MACROD1: variants seen among roughly 807,000 people sequenced by gnomAD.
MACROD1 encodes the protein ADP-ribose glycohydrolase MACROD1.
A neutral mutation model predicts 41.4 loss-of-function variants in MACROD1; 31 were observed. That is an observed-to-expected ratio of 0.75 (90% CI 0.56 to 1.01). The LOEUF is 1.01. Among genes scored for constraint, MACROD1 ranks in the 50% least tolerant of loss-of-function variants. The probability of loss-of-function intolerance (pLI) is 0.00; values close to 1 mark genes in which losing one functional copy is unlikely to be tolerated. For synonymous variants in MACROD1, 252 were observed against 203.4 expected (o/e 1.24, Z -2.03); for missense variants, 473 against 460.0 (o/e 1.03, Z -0.26).
chr11:64,046,693 T>C (rs1590834318), intron 3 of MACROD1, among the ~76,000 whole-genome samples: 2 of 152,272 alleles, frequency 1.3e-5, no homozygotes, highest in Non-Finnish European at 1.5e-5. Flanking sequence ...GAAGCAGGGT[T>C]TCACCATGTT....
chr11:64,049,378 C>G (rs1478200377), intron 3 of MACROD1, among the ~76,000 whole-genome samples: 2 of 152,230 alleles, frequency 1.3e-5, no homozygotes, highest in African/African-American at 4.8e-5. Context: ...ACGGCCAGTC[C>G]TGGGCAGGGA....
chr11:64,102,910 TA>T (rs1174429018), intron 3 of MACROD1, among the ~76,000 whole-genome samples: 9 of 148,866 alleles, frequency 6.0e-5, no homozygotes, highest in Middle Eastern at 3.5e-3. Context: ...CTACTAAAAT[TA>T]AAAAAAAAAA....
Position 64,146,967 on chromosome 11 carries a change from C to A in MACROD1, c.517+4272G>T, listed in dbSNP as rs1483699253. On this transcript the variant is annotated intron_variant, in intron 3 of 10. Transcript: ENST00000255681. This position sits in a 1 kb window ranked among gnomAD's most constrained non-coding sequence, Gnocchi z 4.7. Reference sequence around the variant, plus strand: ...GACCTCACACACACACCATCACACACATCCCAATCACATCTCATAGCCCAA... The same window carrying A: ...GACCTCACACACACACCATCACACAAATCCCAATCACATCTCATAGCCCAA... 6.6e-6 allele frequency among the ~76,000 whole-genome samples: 1 copy of A among 152,176 alleles called. No homozygotes were observed.
chr11:64,051,378 C>T (rs982390674), intron 3 of MACROD1, among the ~76,000 whole-genome samples: 1 of 152,184 alleles, frequency 6.6e-6, no homozygotes, highest in Admixed American at 6.5e-5. Context: ...GCTAGAGAGG[C>T]AGCAGGGACT....
intron 3 of MACROD1, among the ~76,000 whole-genome samples, chr11:64,077,036 G>A (rs1348435536): frequency 6.6e-6 from 1 of 152,136 alleles, no homozygotes; most frequent in East Asian, 1.9e-4. Flanking sequence ...GTAGATGGGA[G>A]GGAGGGAGAT....
chr11:64,070,957 G>C (rs1944098400), intron 3 of MACROD1, among the ~76,000 whole-genome samples: 1 of 152,116 alleles, frequency 6.6e-6, no homozygotes, highest in Non-Finnish European at 1.5e-5. Flanking sequence ...AGGAGGGGCT[G>C]TCTTTATTCC....
At chr11:64,062,123 C>G (rs746318706) in intron 3 of MACROD1, among the ~76,000 whole-genome samples, 6 of 152,060 alleles carry the variant, frequency 3.9e-5, no homozygotes, top group Non-Finnish European at 7.4e-5. Flanking sequence ...ATGCCCCTCT[C>G]CTCCGCAAGG....
At chr11:64,132,515 T>A (rs1471208935) in intron 3 of MACROD1, among the ~76,000 whole-genome samples, 1 of 152,042 alleles carries the variant, frequency 6.6e-6, no homozygotes, top group Non-Finnish European at 1.5e-5. Context: ...TTCAGGGCAG[T>A]TGCCAGGGAC....
At chr11:64,008,489 C>T (rs987375838) in intron 4 of MACROD1, among the ~76,000 whole-genome samples, 7 of 150,182 alleles carry the variant, frequency 4.7e-5, no homozygotes, top group African/African-American at 1.7e-4. Context: ...GAGGGGGTGT[C>T]GGAGGGGCTG....
intron 3 of MACROD1, among the ~76,000 whole-genome samples, chr11:64,044,360 T>TC (rs2134395434): frequency 6.6e-6 from 1 of 151,630 alleles, no homozygotes; most frequent in East Asian, 1.9e-4. Flanking sequence ...CAAGTGATCC[T>TC]CCCACCTCAG....
chr11:64,063,571 G>A lies in MACROD1; in HGVS notation c.518-48290C>T, dbSNP rs534209350. The stretch of plus-strand genomic sequence containing the variant: ...CCCAGCAGCCAGCAACCTTCAATGC[G>A]GCCTCTTCCCCGGCGTCTCTTCCTG... On this transcript the variant is annotated intron_variant, in intron 3 of 10. Coordinates refer to ENST00000255681, the MANE Select transcript of MACROD1 (RefSeq NM_014067.4). Among the ~76,000 whole-genome samples, 72 of 152,280 alleles carry A rather than the reference G, an allele frequency of 4.7e-4. 1 individual carries two copies. The South Asian group carries it at 0.014, about 30-fold the overall frequency.
chr11:64,092,591 C>T (rs888124021), intron 3 of MACROD1, among the ~76,000 whole-genome samples: 4 of 152,230 alleles, frequency 2.6e-5, no homozygotes, highest in African/African-American at 9.6e-5. Context: ...TCCTCTGCCC[C>T]GTCCACTCCC....
chr11:64,089,641 G>A (rs1023781703), intron 3 of MACROD1, among the ~76,000 whole-genome samples: 4 of 152,218 alleles, frequency 2.6e-5, no homozygotes, highest in African/African-American at 7.2e-5. Flanking sequence ...TCCCAGCCTG[G>A]CCCCACTCCT....
Position 64,064,730 on chromosome 11 carries a change from C to T in MACROD1, c.518-49449G>A, listed in dbSNP as rs1027229039. 1.3e-5 allele frequency among the ~76,000 whole-genome samples: 2 copies of T among 150,682 alleles called. No homozygotes were observed. Among genetic ancestry groups the T allele is most frequent in the Admixed American group, 6.6e-5 (1 of 15,044 alleles). On this transcript the variant is annotated intron_variant, in intron 3 of 10. Coordinates refer to ENST00000255681, the MANE Select transcript of MACROD1 (RefSeq NM_014067.4). This position sits in a 1 kb window ranked among gnomAD's most constrained non-coding sequence, Gnocchi z 4.5. Reference sequence around the variant, plus strand: ...GTTCTCCTCTCCCCTCCCTGCCAGCCCCCCAGCAGGCAGCCAGGCCTGGAC... The same window carrying T: ...GTTCTCCTCTCCCCTCCCTGCCAGCTCCCCAGCAGGCAGCCAGGCCTGGAC...
At chr11:64,137,729 G>A (rs1250754602) in intron 3 of MACROD1, among the ~76,000 whole-genome samples, 1 of 152,170 alleles carries the variant, frequency 6.6e-6, no homozygotes, top group Admixed American at 6.5e-5. Context: ...TGCCAGGGCA[G>A]AGAGCAGGCC....
chr11:64,114,256 G>GATTGA (rs1944926050), intron 3 of MACROD1, among the ~76,000 whole-genome samples: 5 of 137,906 alleles, frequency 3.6e-5, no homozygotes, highest in Admixed American at 3.6e-4. Context: ...GGATGGTTAG[G>GATTGA]TGGATGGATG....
At chr11:64,052,648 G>A (rs535984879) in intron 3 of MACROD1, among the ~76,000 whole-genome samples, 33 of 152,324 alleles carry the variant, frequency 2.2e-4, no homozygotes, top group African/African-American at 7.7e-4. Context: ...ACCTGGGAGG[G>A]CAACTGACCT....
chr11:64,086,307 C>T (rs1029216773), intron 3 of MACROD1, among the ~76,000 whole-genome samples: 4 of 152,108 alleles, frequency 2.6e-5, no homozygotes, highest in East Asian at 3.9e-4. Context: ...AAGTGCATAC[C>T]GGCACCTGCA....
intron 3 of MACROD1, chr11:64,116,317 C>T (rs1430977557): frequency 1.2e-6 from 2 of 1,609,224 alleles, no homozygotes; most frequent in Non-Finnish European, 1.7e-6. Context: ...CCCACTGCCA[C>T]TGTCACGGCC....
Sources: gnomAD v4.1 joint callset for allele counts (sites outside exome capture counted in the v4.1 genomes callset) on GRCh38, gnomAD v4.1.1 for gene constraint, Gnocchi (gnomAD v3.1) non-coding constraint, MANE v1.5 for transcripts, NCBI Gene and HGNC (gene_info 2026-07-23, HGNC 2026-07-21) for gene names.